The following SNTG1 variants were observed in gnomAD, a reference collection of about 807,000 sequenced individuals.
SNTG1 encodes the protein gamma-1-syntrophin.
A neutral mutation model predicts 74.7 loss-of-function variants in SNTG1; 39 were observed. The ratio of observed to expected loss-of-function variants is 0.52; its 90% CI spans 0.40 to 0.68. The LOEUF (loss-of-function observed/expected upper bound fraction) is 0.68. Among genes scored for constraint, SNTG1 ranks in the 30% least tolerant of loss-of-function variants. SNTG1 has a pLI of 0.00. For synonymous variants in SNTG1, 254 were observed against 217.1 expected (o/e 1.17, Z -1.49); for missense variants, 685 against 609.5 (o/e 1.12, Z -1.30).
intron 6 of SNTG1, 81 bp downstream of exon 6, chr8:50,449,806 A>T: frequency 8.2e-7 from 1 of 1,216,536 alleles, no homozygotes; most frequent in African/African-American, 1.5e-5. Context: ...CAAGAATCCT[A>T]AATTACAATG....
chr8:50,780,299 T>C (rs1489998070), intron 18 of SNTG1, among the ~76,000 whole-genome samples: 1 of 152,222 alleles, frequency 6.6e-6, no homozygotes, highest in African/African-American at 2.4e-5. Flanking sequence ...TCCTTGTACC[T>C]CTTGTAGAAT....
intron 2 of SNTG1, among the ~76,000 whole-genome samples, chr8:50,274,444 T>C (rs1236503096): frequency 1.3e-5 from 2 of 152,102 alleles, no homozygotes; most frequent in Non-Finnish European, 1.5e-5. Context: ...GTATTTTTTG[T>C]CTATTATTGG....
intron 1 of SNTG1, among the ~76,000 whole-genome samples, chr8:49,915,241 G>A (rs1361730685): frequency 6.6e-6 from 1 of 152,114 alleles, no homozygotes; most frequent in Non-Finnish European, 1.5e-5. Context: ...ATAAGTGAAT[G>A]ATGCCTACTT....
At chr8:50,234,155 T>A (rs977929255) in intron 2 of SNTG1, among the ~76,000 whole-genome samples, 3 of 151,992 alleles carry the variant, frequency 2.0e-5, no homozygotes, top group Non-Finnish European at 2.9e-5. Context: ...TAATCAAATG[T>A]TTCTAAATAG....
chr8:50,103,069 G>T lies in SNTG1; in HGVS notation c.-102-69492G>T, dbSNP rs201654284. Among the ~76,000 whole-genome samples the T allele has an allele frequency of 3.3e-3, 499 of 151,776 alleles. 1 individual carries two copies. The highest frequency in any genetic ancestry group is 0.01 in the African/African-American group (429 of 41,366). On this transcript the variant is annotated intron_variant, in intron 1 of 18. Transcript: ENST00000642720. ...CTCTTTTTTGGTTCCATATGAACTT[G>T]AAAGTAGTTTTTTCCAATTCTGTGA...
intron 1 of SNTG1, among the ~76,000 whole-genome samples, chr8:49,914,617 A>G (rs1022384439): frequency 6.6e-6 from 1 of 152,218 alleles, no homozygotes; most frequent in Non-Finnish European, 1.5e-5. Flanking sequence ...GTAATTATTC[A>G]TACCATGAAA....
At position 50,023,269 on chromosome 8, in the gene SNTG1, A is replaced by G. The variant is rs374885727; in HGVS notation, c.-103+111038A>G. 3.9e-5 allele frequency among the ~76,000 whole-genome samples: 6 copies of G among 152,290 alleles called. No homozygotes were observed. The East Asian group carries it at 9.6e-4, about 24-fold the overall frequency. ...ACAATCAGAATTGGAGTAAGCTAGT[A>G]TTCCATTACCTCATCATTTTCTCCA... On this transcript the variant is annotated intron_variant, in intron 1 of 18. Coordinates refer to ENST00000642720, the MANE Select transcript of SNTG1 (RefSeq NM_018967.5).
intron 15 of SNTG1, among the ~76,000 whole-genome samples, chr8:50,674,413 G>A (rs1446934245): frequency 1.3e-5 from 2 of 152,084 alleles, no homozygotes; most frequent in East Asian, 3.9e-4. Flanking sequence ...GAGGGTGTAT[G>A]TGTCCAGGAA....
chr8:50,137,223 C>A (rs1173332103), intron 1 of SNTG1, among the ~76,000 whole-genome samples: 3 of 152,132 alleles, frequency 2.0e-5, no homozygotes, highest in Non-Finnish European at 4.4e-5. Flanking sequence ...AGAAGATGAG[C>A]TAGAAGGCTC....
intron 1 of SNTG1, among the ~76,000 whole-genome samples, chr8:50,079,581 G>T (rs1451932493): frequency 6.6e-6 from 1 of 152,016 alleles, no homozygotes; most frequent in Non-Finnish European, 1.5e-5. Flanking sequence ...GATCCCATTT[G>T]TCAATTTTGG....
At chr8:50,247,992 T>C (rs1161854375) in intron 2 of SNTG1, among the ~76,000 whole-genome samples, 1 of 152,190 alleles carries the variant, frequency 6.6e-6, no homozygotes, top group South Asian at 2.1e-4. Flanking sequence ...CCTTGGCTTA[T>C]ATATGGTTAT....
chr8:50,220,419 G>A (rs781506999), intron 2 of SNTG1, among the ~76,000 whole-genome samples: 2 of 152,102 alleles, frequency 1.3e-5, no homozygotes, highest in African/African-American at 4.8e-5. Flanking sequence ...GTGGAAGACA[G>A]TACAAAACTA....
intron 2 of SNTG1, among the ~76,000 whole-genome samples, chr8:50,325,716 A>C (rs1035093790): frequency 6.6e-6 from 1 of 152,078 alleles, no homozygotes; most frequent in Non-Finnish European, 1.5e-5. Context: ...TCAAATCAGT[A>C]CACCTTTTAT....
chr8:50,512,172 T>C (rs1287999527), intron 9 of SNTG1, among the ~76,000 whole-genome samples: 1 of 152,148 alleles, frequency 6.6e-6, no homozygotes, highest in Non-Finnish European at 1.5e-5. Context: ...CCTTCACTTA[T>C]GAAGCTTAGT....
chr8:50,484,365 G>A (rs1015166854), intron 8 of SNTG1, among the ~76,000 whole-genome samples: 10 of 151,472 alleles, frequency 6.6e-5, no homozygotes, highest in Admixed American at 2.0e-4. Flanking sequence ...ACAGTCATGC[G>A]CCACCATTCC....
At chr8:50,607,850 A>T (rs1031327343) in intron 13 of SNTG1, among the ~76,000 whole-genome samples, 3 of 151,568 alleles carry the variant, frequency 2.0e-5, no homozygotes, top group Admixed American at 6.6e-5. Flanking sequence ...AAAGGTATGA[A>T]TTTTTTCTGA....
intron 8 of SNTG1, among the ~76,000 whole-genome samples, chr8:50,489,520 T>C (rs1445198081): frequency 6.6e-6 from 1 of 152,270 alleles, no homozygotes; most frequent in Non-Finnish European, 1.5e-5. Context: ...ATTTCTCTAA[T>C]GACCAGTGAT....
chr8:50,063,934 T>C (rs1820688326), intron 1 of SNTG1, among the ~76,000 whole-genome samples: 2 of 152,186 alleles, frequency 1.3e-5, no homozygotes, highest in South Asian at 4.1e-4. Context: ...AGGATGAGGA[T>C]TCACAACACA....
intron 2 of SNTG1, among the ~76,000 whole-genome samples, chr8:50,340,421 A>G (rs1216364743): frequency 6.6e-6 from 1 of 152,058 alleles, no homozygotes; most frequent in Non-Finnish European, 1.5e-5. Flanking sequence ...ATAGCCCTGC[A>G]CAAATGTAGT....
Sources: gnomAD v4.1 joint callset for allele counts (sites outside exome capture counted in the v4.1 genomes callset) on GRCh38, gnomAD v4.1.1 for gene constraint, MANE v1.5 for transcripts, NCBI Gene and HGNC (gene_info 2026-07-23, HGNC 2026-07-21) for gene names.